Variants in ASTN2 observed in about 807,000 individuals in gnomAD.
ASTN2 encodes astrotactin 2.
Under a neutral mutation model 139.8 loss-of-function variants are expected in ASTN2, and 54 were observed. The observed-to-expected ratio is 0.39, with a 90% CI of 0.31 to 0.48. The LOEUF is 0.48. Among genes scored for constraint, ASTN2 ranks in the 20% least tolerant of loss-of-function variants. ASTN2 has a pLI of 0.95. For synonymous variants in ASTN2, 756 were observed against 719.5 expected, an observed-to-expected ratio of 1.05 and a Z score of -0.81; for missense variants, 1,565 against 1,725.1, an observed-to-expected ratio of 0.91 and a Z score of 1.64.
At chr9:116,694,084 G>GCCCC (rs1423673495) in intron 16 of ASTN2, among the ~76,000 whole-genome samples, 1 of 152,144 alleles carries the variant, frequency 6.6e-6, no homozygotes, top group Admixed American at 6.5e-5. Context: ...AGGAATTCTT[G>GCCCC]ACATCCTCAG....
At chr9:117,127,795 T>C (rs7035938) in intron 4 of ASTN2, among the ~76,000 whole-genome samples, 12,316 of 148,936 alleles carry the variant, frequency 0.083, 1,096 homozygotes, top group African/African-American at 0.23. Context: ...ATTCTCCTGC[T>C]TCAGCCTCCC....
At chr9:117,333,032 G>A (rs1828762639) in intron 1 of ASTN2, among the ~76,000 whole-genome samples, 1 of 152,134 alleles carries the variant, frequency 6.6e-6, no homozygotes, top group South Asian at 2.1e-4. Context: ...TTTTCACGGT[G>A]ATAAAAATGT....
intron 11 of ASTN2, among the ~76,000 whole-genome samples, chr9:116,841,001 C>T (rs1185363328): frequency 2.0e-5 from 3 of 151,912 alleles, no homozygotes; most frequent in South Asian, 4.2e-4. Flanking sequence ...GCTGCAATCT[C>T]GGCACTTTGG....
chr9:116,515,060 G>A (rs1850586148), intron 19 of ASTN2, among the ~76,000 whole-genome samples: 1 of 152,140 alleles, frequency 6.6e-6, no homozygotes, highest in South Asian at 2.1e-4. Context: ...AGTTGGAAAT[G>A]CAGAAATCAC....
chr9:117,368,887 G>A (rs1829918644), intron 1 of ASTN2, among the ~76,000 whole-genome samples: 1 of 152,158 alleles, frequency 6.6e-6, no homozygotes, highest in South Asian at 2.1e-4. Context: ...ATAAGCTTAA[G>A]GAACGCCCTG....
At chr9:116,979,146 C>T (rs1836438518) in intron 7 of ASTN2, among the ~76,000 whole-genome samples, 1 of 152,138 alleles carries the variant, frequency 6.6e-6, no homozygotes, top group Non-Finnish European at 1.5e-5. Flanking sequence ...GTATTCCCAG[C>T]ACCCATTGAC....
chr9:117,277,690 A>C (rs1285866224), intron 2 of ASTN2, among the ~76,000 whole-genome samples: 15 of 152,182 alleles, frequency 9.9e-5, no homozygotes, highest in Non-Finnish European at 1.9e-4. Flanking sequence ...TAGTGCAAGG[A>C]CTTTAGAATC....
chr9:116,993,852 T>TTATATATATA lies in ASTN2; in HGVS notation c.1591+14239_1591+14240insTATATATATA, dbSNP rs1468663808. ...TAGTATACTTTATATAGTATGTACA[T>TTATATATATA]GATATATATATATATATATATATAT... On this transcript the variant is annotated intron_variant, in intron 7 of 22. Transcript: ENST00000313400. Among the ~76,000 whole-genome samples, 66 of 26,682 alleles carry TTATATATATA rather than the reference T, an allele frequency of 2.5e-3. No individual in the cohort carries two copies. The East Asian group carries it at 0.029, about 12-fold the overall frequency. 17.5% of individuals were successfully genotyped at this position (26,682 alleles called of 152,430 possible). A position where few individuals can be genotyped will look rare whatever the true frequency, so the allele number is the denominator to read the frequency against.
At chr9:116,572,404 C>CT (rs1489548635) in intron 19 of ASTN2, among the ~76,000 whole-genome samples, 1 of 152,200 alleles carries the variant, frequency 6.6e-6, no homozygotes, top group Non-Finnish European at 1.5e-5. Flanking sequence ...CTTTCCCTTG[C>CT]TGCTCACCCC....
At chr9:116,980,246 T>C (rs1836472276) in intron 7 of ASTN2, among the ~76,000 whole-genome samples, 1 of 152,052 alleles carries the variant, frequency 6.6e-6, no homozygotes, top group Non-Finnish European at 1.5e-5. Flanking sequence ...TAAGAAGTAA[T>C]TGAAATAGTG....
At chr9:117,053,085 C>T (rs184911374) in intron 5 of ASTN2, among the ~76,000 whole-genome samples, 1 of 152,302 alleles carries the variant, frequency 6.6e-6, no homozygotes, top group African/African-American at 2.4e-5. Context: ...ATATGAGAAG[C>T]TATTGTGAAC....
chr9:117,159,052 G>A (rs1044073256), intron 3 of ASTN2, among the ~76,000 whole-genome samples: 4 of 151,858 alleles, frequency 2.6e-5, no homozygotes, highest in Non-Finnish European at 5.9e-5. Context: ...GTATGCAAAC[G>A]AACCATTTAT....
chr9:116,479,693 G>A (rs1459861301), intron 20 of ASTN2, among the ~76,000 whole-genome samples: 1 of 152,166 alleles, frequency 6.6e-6, no homozygotes, highest in Non-Finnish European at 1.5e-5. Context: ...AGGACTGCGG[G>A]GAAGGGACAA....
At chr9:117,169,774 A>G (rs754354480) in intron 3 of ASTN2, among the ~76,000 whole-genome samples, 2 of 152,134 alleles carry the variant, frequency 1.3e-5, no homozygotes, top group South Asian at 4.1e-4. Flanking sequence ...GAAGGTTTCC[A>G]TGATGAATTA....
intron 1 of ASTN2, among the ~76,000 whole-genome samples, chr9:117,366,192 C>G (rs1421187319): frequency 1.3e-5 from 2 of 152,126 alleles, no homozygotes; most frequent in Admixed American, 6.6e-5. Context: ...TTTCAGGAGT[C>G]AAGCCAGTCA....
At chr9:117,210,371 G>C (rs1386596016) in intron 3 of ASTN2, among the ~76,000 whole-genome samples, 1 of 151,982 alleles carries the variant, frequency 6.6e-6, no homozygotes, top group Non-Finnish European at 1.5e-5. Flanking sequence ...CATCACAATG[G>C]ATATCACAGA....
chr9:116,757,423 C>A lies in ASTN2; in HGVS notation c.2397-23900G>T, dbSNP rs368136430. ...TGGGCATGGGTGTCACAGAACATGCCCATGGCTCAGGGTGTGAGATATGTG... is the reference window on the plus strand; with the variant it reads ...TGGGCATGGGTGTCACAGAACATGCACATGGCTCAGGGTGTGAGATATGTG... On this transcript the variant is annotated intron_variant, in intron 13 of 22. Transcript: ENST00000313400. Among the ~76,000 whole-genome samples the A allele has an allele frequency of 9.9e-5, 15 of 152,148 alleles. 2 individuals carry two copies. The highest frequency in any genetic ancestry group is 3.9e-4 in the Admixed American group (6 of 15,288).
At chr9:117,380,603 A>G (rs1830244203) in intron 1 of ASTN2, among the ~76,000 whole-genome samples, 1 of 151,932 alleles carries the variant, frequency 6.6e-6, no homozygotes, top group East Asian at 1.9e-4. Context: ...GACTCAAAAA[A>G]AAAAAAAAAA....
chr9:117,368,041 G>T (rs770437752), intron 1 of ASTN2, among the ~76,000 whole-genome samples: 1 of 152,048 alleles, frequency 6.6e-6, no homozygotes, highest in South Asian at 2.1e-4. Flanking sequence ...GTCCCAGCCT[G>T]ACCACCAGAA....
Sources: gnomAD v4.1 joint callset for allele counts (sites outside exome capture counted in the v4.1 genomes callset) on GRCh38, gnomAD v4.1.1 for gene constraint, MANE v1.5 for transcripts, NCBI Gene and HGNC (gene_info 2026-07-23, HGNC 2026-07-21) for gene names.